The following FOXP1 variants were observed in gnomAD, a reference collection of about 807,000 sequenced individuals.
FOXP1 encodes the protein forkhead box protein P1.
FOXP1 carries 15 observed loss-of-function variants against 98.2 expected under a neutral mutation model. The observed-to-expected ratio is 0.15, with a 90% CI of 0.10 to 0.24. FOXP1 has a LOEUF of 0.24. FOXP1 is among the 10% of genes least tolerant of loss of function. The pLI, the probability that FOXP1 is intolerant of heterozygous loss-of-function variation, is 1.00. For missense variants in FOXP1, 633 were observed against 848.5 expected, an observed-to-expected ratio of 0.75 and a Z score of 3.15; for synonymous variants, 371 against 314.5, an observed-to-expected ratio of 1.18 and a Z score of -1.90.
intron 4 of FOXP1, among the ~76,000 whole-genome samples, chr3:71,354,242 C>T (rs1193045440): frequency 4.0e-5 from 6 of 151,524 alleles, no homozygotes; most frequent in Admixed American, 2.0e-4. Flanking sequence ...TGCGCCACTG[C>T]GCTCCAGCCT....
chr3:71,207,529 AT>A (rs1466383186), intron 5 of FOXP1, among the ~76,000 whole-genome samples: 3 of 152,088 alleles, frequency 2.0e-5, no homozygotes, highest in African/African-American at 4.8e-5. Flanking sequence ...ACATATATGT[AT>A]TTTCCCCCCT....
chr3:71,457,796 G>T (rs1380775009), intron 3 of FOXP1, among the ~76,000 whole-genome samples: 1 of 152,152 alleles, frequency 6.6e-6, no homozygotes, highest in Non-Finnish European at 1.5e-5. Flanking sequence ...GGATTTTATT[G>T]ATATTTATGG....
chr3:71,036,470 G>A (rs1320089701), intron 11 of FOXP1, among the ~76,000 whole-genome samples: 1 of 152,124 alleles, frequency 6.6e-6, no homozygotes, highest in Non-Finnish European at 1.5e-5. Flanking sequence ...CTATGAATCC[G>A]AGAAATACTC....
chr3:70,972,337 A>T, intron 18 of FOXP1: 1 of 873,084 alleles, frequency 1.1e-6, no homozygotes, highest in Non-Finnish European at 1.8e-6. Flanking sequence ...TTGCCACCTA[A>T]AAGCTACTAG....
intron 7 of FOXP1, among the ~76,000 whole-genome samples, chr3:71,084,235 CA>C (rs2054768675): frequency 6.6e-6 from 1 of 152,152 alleles, no homozygotes; most frequent in Non-Finnish European, 1.5e-5. Flanking sequence ...GGAATTTCTT[CA>C]AGACATTTTC....
intron 5 of FOXP1, among the ~76,000 whole-genome samples, chr3:71,212,696 T>C (rs533174548): frequency 2.0e-4 from 31 of 152,312 alleles, no homozygotes; most frequent in African/African-American, 7.5e-4. Context: ...GCTTTATTGG[T>C]CAAAAAGATG....
At chr3:71,166,669 T>G (rs937537411) in intron 6 of FOXP1, among the ~76,000 whole-genome samples, 5 of 152,142 alleles carry the variant, frequency 3.3e-5, no homozygotes, top group Admixed American at 2.0e-4. Flanking sequence ...AATAACAACT[T>G]TTTATGATAA....
chr3:71,423,923 G>A (rs1237297195), intron 3 of FOXP1, among the ~76,000 whole-genome samples: 1 of 152,150 alleles, frequency 6.6e-6, no homozygotes, highest in Non-Finnish European at 1.5e-5. Flanking sequence ...TGCACCAGCA[G>A]AAATATATTT....
At chr3:70,978,157 A>ACCATGAACCGAAACACACG (rs754126578) in intron 14 of FOXP1, 128 bp from the exon 15 acceptor site, 25 of 758,678 alleles carry the variant, frequency 3.3e-5, no homozygotes, top group Non-Finnish European at 4.8e-5. Flanking sequence ...TGGTATGTTT[A>ACCATGAACCGAAACACACG]CCATGAACCG....
intron 5 of FOXP1, among the ~76,000 whole-genome samples, chr3:71,223,657 C>T (rs191632731): frequency 1.0e-4 from 15 of 149,478 alleles, no homozygotes; most frequent in Middle Eastern, 3.2e-3. Context: ...ATTGCACCAC[C>T]GCACTCCGGC....
At chr3:71,255,287 C>G (rs1447910939) in intron 5 of FOXP1, among the ~76,000 whole-genome samples, 1 of 152,102 alleles carries the variant, frequency 6.6e-6, no homozygotes, top group Non-Finnish European at 1.5e-5. Context: ...GCCCGTTAGC[C>G]TTACACTGTC....
rs142814281 is a variant in FOXP1 at position 71,410,557 on chromosome 3, T to C, written c.-167-51313A>G. 1.5e-3 allele frequency among the ~76,000 whole-genome samples: 224 copies of C among 152,350 alleles called. 1 individual carries two copies. The highest frequency in any genetic ancestry group is 5.2e-3 in the African/African-American group (217 of 41,580). On this transcript the variant is annotated intron_variant, in intron 3 of 20. Coordinates refer to ENST00000649528, the MANE Select transcript of FOXP1 (RefSeq NM_001349338.3). ...TTATGATTATGCAGTCAAAAAGGCA[T>C]CCATGGGTTTTTTAAATTGTCCACA...
chr3:71,399,352 T>C (rs923273911), intron 3 of FOXP1, among the ~76,000 whole-genome samples: 2 of 152,120 alleles, frequency 1.3e-5, no homozygotes, highest in African/African-American at 2.4e-5. Context: ...GAAACAAAAC[T>C]ACAAACCAGA....
chr3:71,148,267 C>T (rs1250322957), intron 6 of FOXP1, among the ~76,000 whole-genome samples: 1 of 152,112 alleles, frequency 6.6e-6, no homozygotes, highest in Non-Finnish European at 1.5e-5. Flanking sequence ...ATCCCAGATA[C>T]TCAGGAGGCT....
chr3:71,183,193 G>T (rs1041405465), intron 6 of FOXP1, among the ~76,000 whole-genome samples: 3 of 151,978 alleles, frequency 2.0e-5, no homozygotes, highest in South Asian at 2.1e-4. Context: ...TGGTGATGAT[G>T]ATAAGAATAC....
chr3:71,126,075 T>G (rs957730005), intron 6 of FOXP1, among the ~76,000 whole-genome samples: 14 of 152,222 alleles, frequency 9.2e-5, no homozygotes, highest in Non-Finnish European at 1.8e-4. Context: ...ATTATGAAAG[T>G]AATAACTTCA....
intron 5 of FOXP1, among the ~76,000 whole-genome samples, chr3:71,233,254 G>T (rs2066480182): frequency 6.9e-6 from 1 of 145,922 alleles, no homozygotes; most frequent in Non-Finnish European, 1.5e-5. Flanking sequence ...GGGAGAGGAG[G>T]GAAGGGGAGG....
At chr3:71,450,801 A>C (rs1560504771) in intron 3 of FOXP1, among the ~76,000 whole-genome samples, 1 of 84,918 alleles carries the variant, frequency 1.2e-5, no homozygotes, top group African/African-American at 3.7e-5. Flanking sequence ...TTTTTTGAAG[A>C]CCTAATTATA....
intron 3 of FOXP1, among the ~76,000 whole-genome samples, chr3:71,448,782 A>G (rs767623218): frequency 6.6e-6 from 1 of 152,210 alleles, no homozygotes; most frequent in Non-Finnish European, 1.5e-5. Flanking sequence ...TCTGTTTTGA[A>G]TACCAAATTA....
Sources: gnomAD v4.1 joint callset for allele counts (sites outside exome capture counted in the v4.1 genomes callset) on GRCh38, gnomAD v4.1.1 for gene constraint, MANE v1.5 for transcripts, NCBI Gene and HGNC (gene_info 2026-07-23, HGNC 2026-07-21) for gene names.